LHFPL2: variants seen among roughly 807,000 people sequenced by gnomAD.
The protein encoded by LHFPL2 is LHFPL tetraspan subfamily member 2, also known as LHFPL tetraspan subfamily member 2 protein.
Under a neutral mutation model 17.5 loss-of-function variants are expected in LHFPL2, and 7 were observed. The observed-to-expected ratio is 0.40, with a 90% CI of 0.23 to 0.75. The LOEUF is 0.75. LHFPL2 is among the 30% of genes least tolerant of loss of function. The pLI, the probability that LHFPL2 is intolerant of heterozygous loss-of-function variation, is 0.37. For missense variants in LHFPL2, 241 were observed against 294.8 expected (o/e 0.82, Z 1.34); for synonymous variants, 134 against 116.2 (o/e 1.15, Z -0.99).
chr5:78,504,840 A>AATCT (rs1412159706), intron 4 of LHFPL2, among the ~76,000 whole-genome samples: 13 of 152,234 alleles, frequency 8.5e-5, no homozygotes, highest in African/African-American at 2.9e-4. Flanking sequence ...GCCCCAGGGC[A>AATCT]ATCTATCTGG....
intron 2 of LHFPL2, among the ~76,000 whole-genome samples, chr5:78,567,347 T>C (rs1219534341): frequency 6.6e-6 from 1 of 152,214 alleles, no homozygotes; most frequent in Non-Finnish European, 1.5e-5. Context: ...TTGGTTAGTT[T>C]ACAGGGTGTG....
intron 3 of LHFPL2, among the ~76,000 whole-genome samples, chr5:78,534,968 G>A (rs182767297): frequency 2.1e-4 from 32 of 152,262 alleles, no homozygotes; most frequent in African/African-American, 7.2e-4. Flanking sequence ...GTAAGTTGAC[G>A]GCAAAAACTT....
intron 3 of LHFPL2, among the ~76,000 whole-genome samples, chr5:78,559,048 C>T (rs1366649465): frequency 6.6e-6 from 1 of 152,194 alleles, no homozygotes; most frequent in Admixed American, 6.5e-5. Flanking sequence ...TCGGCTGCAG[C>T]CCTGCCCACC....
chr5:78,623,875 G>A (rs1231264732), intron 2 of LHFPL2, among the ~76,000 whole-genome samples: 2 of 152,098 alleles, frequency 1.3e-5, no homozygotes, highest in African/African-American at 2.4e-5. Context: ...CACACAACAG[G>A]ACAAGCTCAT....
intron 3 of LHFPL2, among the ~76,000 whole-genome samples, chr5:78,512,771 T>C (rs969748876): frequency 4.0e-5 from 6 of 150,750 alleles, no homozygotes; most frequent in Non-Finnish European, 7.4e-5. Context: ...TCTTTTCTTT[T>C]TTTTTTTTTT....
At chr5:78,505,863 C>T (rs989462831) in intron 4 of LHFPL2, among the ~76,000 whole-genome samples, 1 of 152,236 alleles carries the variant, frequency 6.6e-6, no homozygotes, top group Non-Finnish European at 1.5e-5. Context: ...TCAGAACAGT[C>T]CTGAGGTATA....
chr5:78,641,469 TG>T (rs1488553570), intron 1 of LHFPL2, among the ~76,000 whole-genome samples: 1 of 152,250 alleles, frequency 6.6e-6, no homozygotes, highest in Middle Eastern at 3.2e-3. Flanking sequence ...ATACTATAAC[TG>T]GGTGCAGGTT....
intron 3 of LHFPL2, among the ~76,000 whole-genome samples, chr5:78,541,315 G>A (rs1273988648): frequency 1.3e-5 from 2 of 152,170 alleles, no homozygotes; most frequent in African/African-American, 4.8e-5. Flanking sequence ...AGTAGTCACT[G>A]ACAGCAAAAT....
At chr5:78,645,585 C>CA (rs1003160058) in intron 1 of LHFPL2, among the ~76,000 whole-genome samples, 1 of 123,316 alleles carries the variant, frequency 8.1e-6, no homozygotes, top group Admixed American at 7.9e-5. Flanking sequence ...CACACACACA[C>CA]ACACACATTT....
chr5:78,547,631 GCA>G (rs1756319631), intron 3 of LHFPL2, among the ~76,000 whole-genome samples: 1 of 152,148 alleles, frequency 6.6e-6, no homozygotes, highest in Non-Finnish European at 1.5e-5. Flanking sequence ...TGAAGTACCA[GCA>G]CAGTTTCCAC....
intron 1 of LHFPL2, among the ~76,000 whole-genome samples, chr5:78,646,333 A>G (rs1435437259): frequency 1.3e-5 from 2 of 152,254 alleles, no homozygotes; most frequent in African/African-American, 2.4e-5. Flanking sequence ...TCTCTGCATT[A>G]TAGCTGTTTA....
At chr5:78,519,856 G>A (rs1454572224) in intron 3 of LHFPL2, among the ~76,000 whole-genome samples, 2 of 152,234 alleles carry the variant, frequency 1.3e-5, no homozygotes, top group African/African-American at 4.8e-5. Context: ...AGCCCATCTG[G>A]CATGTAGGTA....
chr5:78,500,629 A>G (rs545691035), intron 4 of LHFPL2, among the ~76,000 whole-genome samples: 1 of 152,340 alleles, frequency 6.6e-6, no homozygotes, highest in African/African-American at 2.4e-5. Context: ...CTTCAGTACC[A>G]AAACTTCAGT....
rs1754212324 is a variant in LHFPL2 at position 78,485,626 on chromosome 5, C to G, written c.*3271G>C. On this transcript the variant is annotated 3_prime_UTR_variant, in exon 5 of 5. Transcript: ENST00000380345. The stretch of plus-strand genomic sequence containing the variant: ...ACAGAGAGGTCTGTTCTAAGCCAGA[C>G]TCTTACAGCTAAGGAGGTGTGAGAT... The G allele has an allele frequency of 6.6e-6, 1 of 152,630 alleles. No individual in the cohort carries two copies. Among genetic ancestry groups the G allele is most frequent in the Non-Finnish European group, 1.5e-5 (1 of 68,052 alleles). 9.5% of individuals were successfully genotyped at this position (152,630 alleles called of 1,614,324 possible). A position where few individuals can be genotyped will look rare whatever the true frequency, so the allele number is the denominator to read the frequency against.
intron 2 of LHFPL2, among the ~76,000 whole-genome samples, chr5:78,612,386 TAGTCA>T (rs926267204): frequency 5.3e-5 from 8 of 152,238 alleles, no homozygotes; most frequent in African/African-American, 1.9e-4. Context: ...TGCCATTGTA[TAGTCA>T]TTCCTCCAGA....
intron 2 of LHFPL2, among the ~76,000 whole-genome samples, chr5:78,571,704 C>T (rs924887633): frequency 2.0e-5 from 3 of 152,196 alleles, no homozygotes; most frequent in South Asian, 2.1e-4. Flanking sequence ...CCTTCCCTGA[C>T]CACCCTTGCT....
intron 2 of LHFPL2, among the ~76,000 whole-genome samples, chr5:78,569,232 T>A (rs189125066): frequency 1.6e-4 from 25 of 152,126 alleles, no homozygotes; most frequent in Non-Finnish European, 3.2e-4. Context: ...CACAAAACCA[T>A]CCCTTCTACC....
At chr5:78,508,606 G>GC (rs1281519169) in intron 4 of LHFPL2, among the ~76,000 whole-genome samples, 1 of 152,242 alleles carries the variant, frequency 6.6e-6, no homozygotes, top group African/African-American at 2.4e-5. Context: ...TTGGAAGCCA[G>GC]CCCTGCTGAG....
chr5:78,497,034 A>C (rs983972381), intron 4 of LHFPL2, among the ~76,000 whole-genome samples: 4 of 152,170 alleles, frequency 2.6e-5, no homozygotes, highest in Non-Finnish European at 4.4e-5. Context: ...ATTATGTCCA[A>C]ACCAGGACTC....
Sources: allele counts gnomAD v4.1 joint callset (sites outside exome capture counted in the v4.1 genomes callset), GRCh38; gene constraint gnomAD v4.1.1; transcripts MANE v1.5; gene names NCBI Gene and HGNC (gene_info 2026-07-23, HGNC 2026-07-21).